The following RPRD2 variants were observed in gnomAD, a reference collection of about 807,000 sequenced individuals.
The protein encoded by RPRD2 is regulation of nuclear pre-mRNA domain containing 2.
In RPRD2, 12 loss-of-function variants were observed where a neutral mutation model predicts 104.4. The observed-to-expected ratio is 0.11, with a 90% CI of 0.07 to 0.19. The LOEUF (loss-of-function observed/expected upper bound fraction) is 0.19. Ranked by LOEUF, RPRD2 falls within the 10% of genes least tolerant of loss-of-function variation. The pLI is 1.00. For missense variants in RPRD2, 1,543 were observed against 1,790.1 expected, an observed-to-expected ratio of 0.86 and a Z score of 2.49; for synonymous variants, 714 against 684.9, an observed-to-expected ratio of 1.04 and a Z score of -0.66.
intron 2 of RPRD2, among the ~76,000 whole-genome samples, chr1:150,417,933 TCTTC>T (rs373720541): frequency 6.3e-4 from 95 of 151,866 alleles, no homozygotes; most frequent in Non-Finnish European, 8.1e-4. Context: ...TTTCTTTCTT[TCTTC>T]CTTTCCTTTC....
At chr1:150,436,249 A>G (rs1665982756) in intron 2 of RPRD2, among the ~76,000 whole-genome samples, 1 of 152,204 alleles carries the variant, frequency 6.6e-6, no homozygotes, top group South Asian at 2.1e-4. Flanking sequence ...TTGCTAACAC[A>G]ACATTTATTC....
intron 7 of RPRD2, among the ~76,000 whole-genome samples, chr1:150,450,529 C>T (rs113970757): frequency 0.079 from 11,739 of 147,866 alleles, 621 homozygotes; most frequent in Non-Finnish European, 0.12. Context: ...TGACGTGAAC[C>T]CAGGAGGCGG....
intron 2 of RPRD2, among the ~76,000 whole-genome samples, chr1:150,439,037 G>C (rs1025935190): frequency 6.6e-6 from 1 of 152,096 alleles, no homozygotes; most frequent in Non-Finnish European, 1.5e-5. Flanking sequence ...GTTTCACCAT[G>C]TTGGCCAGGA....
Position 150,452,900 on chromosome 1 carries a change from C to A in RPRD2, c.871-4388C>A, listed in dbSNP as rs187799739. ...GGCCAGGCTGGTCTCAAACTCCTGACCTCAGGTGATCCGCCTGCCTCTGCC... is the reference window on the plus strand; with the variant it reads ...GGCCAGGCTGGTCTCAAACTCCTGAACTCAGGTGATCCGCCTGCCTCTGCC... On this transcript the variant is annotated intron_variant, in intron 7 of 10. Coordinates refer to ENST00000369068, the MANE Select transcript of RPRD2 (RefSeq NM_015203.5). Among the ~76,000 whole-genome samples the A allele has an allele frequency of 8.4e-3, 1,273 of 152,134 alleles. 11 individuals are homozygous for A. Among genetic ancestry groups the A allele is most frequent in the Non-Finnish European group, 0.014 (941 of 67,996 alleles).
Position 150,364,707 on chromosome 1 carries a change from C to A in RPRD2, c.-8C>A, listed in dbSNP as rs782454772. ...AGAGGAGCAGCAGCGCTTGTGCAAA[C>A]CGGGAAGATGGCGGCCGGCGGCGGC... is the stretch of plus-strand genomic sequence containing the variant. On this transcript the variant is annotated 5_prime_UTR_variant, in exon 1 of 11. Coordinates refer to ENST00000369068, the MANE Select transcript of RPRD2 (RefSeq NM_015203.5). 14 of 1,548,262 alleles carry A rather than the reference C, an allele frequency of 9.0e-6. No homozygotes were observed. In the South Asian group the frequency reaches 1.5e-4, roughly 17 times the overall value.
chr1:150,435,898 A>C (rs1471285057), intron 2 of RPRD2, among the ~76,000 whole-genome samples: 3 of 152,254 alleles, frequency 2.0e-5, no homozygotes, highest in African/African-American at 7.2e-5. Context: ...TCCTTGCTTC[A>C]AAGCACAGGC....
intron 2 of RPRD2, among the ~76,000 whole-genome samples, chr1:150,437,874 C>T (rs1666116213): frequency 6.6e-6 from 1 of 151,606 alleles, no homozygotes; most frequent in South Asian, 2.1e-4. Context: ...GCCACCGTGC[C>T]CAGCCTAAAC....
At chr1:150,464,495 G>C in intron 9 of RPRD2, 32 bp from the exon 10 acceptor site, 1 of 1,538,088 alleles carries the variant, frequency 6.5e-7, no homozygotes, top group Non-Finnish European at 8.8e-7. Flanking sequence ...ATTTTGAATT[G>C]CATTTTCTTG....
chr1:150,373,688 CT>C (rs35241796), intron 1 of RPRD2, among the ~76,000 whole-genome samples: 83,555 of 151,484 alleles, frequency 0.55, 23,800 homozygotes, highest in Non-Finnish European at 0.62. Context: ...TTTAAGAAAT[CT>C]TTTTTAAAGA....
At chr1:150,468,951 C>T (rs1570802981) in intron 10 of RPRD2, among the ~76,000 whole-genome samples, 2 of 16,086 alleles carry the variant, frequency 1.2e-4, no homozygotes, top group Non-Finnish European at 1.9e-4. Context: ...TGAAACATGC[C>T]GATTTTTTTT....
At chr1:150,464,425 G>A (rs1199294622) in intron 9 of RPRD2, 102 bp from the exon 10 acceptor site, 8 of 768,480 alleles carry the variant, frequency 1.0e-5, no homozygotes, top group Non-Finnish European at 1.7e-5. Context: ...AACCACAGAA[G>A]AATTCCTGTT....
rs1560136316 is a variant in RPRD2, at chr1:150,364,593, A to G, written c.-122A>G. The G allele has an allele frequency of 1.0e-5, 6 of 599,706 alleles. No homozygotes were observed. The highest frequency in any genetic ancestry group is 1.7e-5 in the Non-Finnish European group (6 of 344,528). The allele number at this position is 599,706 out of a possible 1,614,324, so 37.1% of individuals were successfully genotyped here. On this transcript the variant is annotated 5_prime_UTR_variant, in exon 1 of 11. Transcript: ENST00000369068. ...AGAGCCCAGCGCGTGCACCATCCCC[A>G]CCCCCTAGCTTCCCTCCCCACCTAC...
chr1:150,406,069 A>AT (rs1663449189), intron 1 of RPRD2, among the ~76,000 whole-genome samples: 1 of 152,218 alleles, frequency 6.6e-6, no homozygotes, highest in East Asian at 1.9e-4. Context: ...TGTGATAAGA[A>AT]TGAATCTCCT....
Position 150,470,869 on chromosome 1 carries a change from G to A in RPRD2, c.1921G>A (p.Ala641Thr). 6.2e-7 allele frequency: 1 copy of A among 1,613,944 alleles called. No homozygotes were observed. The highest frequency in any genetic ancestry group is 1.1e-5 in the South Asian group (1 of 91,082). Reference protein sequence around the residue: ...FTATHNTSPAAPPTEVTICQS... With the variant: ...FTATHNTSPATPPTEVTICQS... ...AGCTACCCACAATACTAGCCCTGCT[G>A]CCCCACCTACTGAAGTTACCATCTG... The change falls in exon 11 of 11, where the codon GCC becomes ACC. Residue 641 changes from alanine (A) to threonine (T), a missense_variant. Around this residue, in one of 4 missense-constraint regions of RPRD2, gnomAD observed 572 missense variants for 787.3 expected, o/e 0.73. Transcript: ENST00000369068.
At chr1:150,376,214 TTTGA>T (rs1553879431) in intron 1 of RPRD2, among the ~76,000 whole-genome samples, 1 of 152,212 alleles carries the variant, frequency 6.6e-6, no homozygotes. Context: ...TTTACTAGTG[TTTGA>T]TTGAGGCCTT....
intron 2 of RPRD2, among the ~76,000 whole-genome samples, chr1:150,417,936 TCC>T (rs1553888919): frequency 5.5e-5 from 8 of 144,608 alleles, no homozygotes; most frequent in Non-Finnish European, 9.2e-5. Context: ...CTTTCTTTCT[TCC>T]TTTCCTTTCC....
chr1:150,403,663 T>G (rs696618), intron 1 of RPRD2, among the ~76,000 whole-genome samples: 47,738 of 151,886 alleles, frequency 0.31, 8,589 homozygotes, highest in Non-Finnish European at 0.4. Flanking sequence ...ATATTTTTTT[T>G]TGTGTGTGAC....
chr1:150,395,365 T>TGTGTGTGTGTGTGTGTGTGTG (rs1662424080), intron 1 of RPRD2, among the ~76,000 whole-genome samples: 1 of 144,076 alleles, frequency 6.9e-6, no homozygotes, highest in African/African-American at 2.6e-5. Context: ...TAGTATTCCA[T>TGTGTGTGTGTGTGTGTGTGTG]TGTGTGTGTG....
intron 10 of RPRD2, among the ~76,000 whole-genome samples, chr1:150,468,253 G>C (rs1036557883): frequency 5.3e-5 from 8 of 151,974 alleles, no homozygotes; most frequent in African/African-American, 1.9e-4. Context: ...ACTTTGGGAG[G>C]CCACGATGGG....
Sources: gnomAD v4.1 joint callset for allele counts (sites outside exome capture counted in the v4.1 genomes callset) on GRCh38, gnomAD v4.1.1 for gene constraint, gnomAD v4.1.1 regional missense constraint, MANE v1.5 for transcripts, NCBI Gene and HGNC (gene_info 2026-07-23, HGNC 2026-07-21) for gene names.